The following ADAMTS18 variants were observed in gnomAD, a reference collection of about 807,000 sequenced individuals.
ADAMTS18 encodes the protein A disintegrin and metalloproteinase with thrombospondin motifs 18.
A neutral mutation model predicts 165.9 loss-of-function variants in ADAMTS18; 157 were observed. The ratio of observed to expected loss-of-function variants is 0.95; its 90% CI spans 0.83 to 1.08. The LOEUF is 1.08. Among genes scored for constraint, ADAMTS18 ranks in the 50% least tolerant of loss-of-function variants. The probability of loss-of-function intolerance (pLI) is 0.00; values close to 1 mark genes in which losing one functional copy is unlikely to be tolerated. For synonymous variants in ADAMTS18, 782 were observed against 578.2 expected, an observed-to-expected ratio of 1.35 and a Z score of -5.06; for missense variants, 2,040 against 1,534.0, an observed-to-expected ratio of 1.33 and a Z score of -5.51.
At chr16:77,318,442 C>T (rs926634814) in intron 16 of ADAMTS18, among the ~76,000 whole-genome samples, 2 of 152,202 alleles carry the variant, frequency 1.3e-5, no homozygotes, top group African/African-American at 4.8e-5. Context: ...TTACATGTAA[C>T]ACAGTCTGTT....
At chr16:77,374,232 A>G (rs1275013807) in intron 3 of ADAMTS18, among the ~76,000 whole-genome samples, 1 of 151,954 alleles carries the variant, frequency 6.6e-6, no homozygotes, top group East Asian at 1.9e-4. Context: ...AAAAAAAAAA[A>G]AAAATTGTTT....
intron 16 of ADAMTS18, among the ~76,000 whole-genome samples, chr16:77,317,330 C>T (rs1031179402): frequency 1.3e-5 from 2 of 152,224 alleles, no homozygotes; most frequent in African/African-American, 2.4e-5. Context: ...CAGAGGAACG[C>T]AGTGATTTCT....
chr16:77,406,053 C>T (rs1420916314), intron 3 of ADAMTS18, among the ~76,000 whole-genome samples: 1 of 152,126 alleles, frequency 6.6e-6, no homozygotes, highest in African/African-American at 2.4e-5. Flanking sequence ...GATACCCAAA[C>T]CTGACAAGGG....
chr16:77,283,921 C>T lies in ADAMTS18; in HGVS notation c.*35G>A. The T allele has an allele frequency of 6.5e-7, 1 of 1,528,972 alleles. No individual in the cohort carries two copies. 94.7% of individuals were successfully genotyped at this position (1,528,972 alleles called of 1,614,324 possible). A position where few individuals can be genotyped will look rare whatever the true frequency, so the allele number is the denominator to read the frequency against. Reference sequence around the variant, plus strand: ...GTCTCTCTAGAGGTTGAAAGGTAAGCCCCTGGCCCTAAGGTGCTGGGGAGG... The same window carrying T: ...GTCTCTCTAGAGGTTGAAAGGTAAGTCCCTGGCCCTAAGGTGCTGGGGAGG... On this transcript the variant is annotated 3_prime_UTR_variant, in exon 23 of 23. Coordinates refer to ENST00000282849, the MANE Select transcript of ADAMTS18 (RefSeq NM_199355.4).
rs199523966 is a variant in ADAMTS18, at chr16:77,434,463, C to G, written c.133G>C (p.Ala45Pro). The G allele has an allele frequency of 6.4e-7, 1 of 1,571,164 alleles. No individual in the cohort carries two copies. The highest frequency in any genetic ancestry group is 1.3e-5 in the African/African-American group (1 of 74,478). The change falls in exon 2 of 23, where the codon GCC becomes CCC. Residue 45 changes from alanine (A) to proline (P), a missense_variant. Transcript: ENST00000282849. ...CCGCTGCTGCTGTCACTGGCTAAGG[C>G]CGCGGCGACCGACGCACAGCAGAGG... ...CCLCCASVAA[A>P]LASDSSSGAS...
intron 8 of ADAMTS18, 78 bp from the exon 9 acceptor site, chr16:77,356,155 T>C: frequency 3.1e-6 from 5 of 1,589,060 alleles, no homozygotes; most frequent in East Asian, 2.2e-5. Context: ...AGAATAAAGA[T>C]GTATTGATCA....
At chr16:77,339,596 A>AT (rs200441370) in intron 11 of ADAMTS18, among the ~76,000 whole-genome samples, 1,310 of 120,750 alleles carry the variant, frequency 0.011, 32 homozygotes, top group African/African-American at 0.039. Flanking sequence ...TGCTTTTTCA[A>AT]TTAAAAAAAA....
intron 18 of ADAMTS18, among the ~76,000 whole-genome samples, chr16:77,296,582 C>T (rs1297327696): frequency 6.6e-6 from 1 of 152,124 alleles, no homozygotes; most frequent in African/African-American, 2.4e-5. Context: ...CCTGTAATGC[C>T]AGAACTTTGG....
chr16:77,411,833 C>T (rs1043826716), intron 3 of ADAMTS18, among the ~76,000 whole-genome samples: 10 of 151,466 alleles, frequency 6.6e-5, no homozygotes, highest in Non-Finnish European at 1.5e-4. Flanking sequence ...ATTATAGGTG[C>T]CCACCACCAA....
chr16:77,300,007 A>G (rs181353387), intron 17 of ADAMTS18: 32 of 365,774 alleles, frequency 8.7e-5, no homozygotes, highest in African/African-American at 6.3e-4. Context: ...TATATTTTAT[A>G]TGTTTTTCCC....
intron 16 of ADAMTS18, among the ~76,000 whole-genome samples, chr16:77,318,381 G>A (rs1038064347): frequency 6.6e-6 from 1 of 152,198 alleles, no homozygotes; most frequent in Admixed American, 6.5e-5. Flanking sequence ...TAAGATAATG[G>A]TGTGGCCAAG....
chr16:77,300,233 C>G (rs1178421167), intron 17 of ADAMTS18, 30 bp downstream of exon 17: 20 of 1,613,574 alleles, frequency 1.2e-5, no homozygotes, highest in Non-Finnish European at 1.6e-5. Flanking sequence ...GAGAGACAGA[C>G]TTTGGAGACA....
chr16:77,371,265 A>G (rs1437938661), intron 3 of ADAMTS18, among the ~76,000 whole-genome samples: 2 of 152,056 alleles, frequency 1.3e-5, no homozygotes, highest in Non-Finnish European at 2.9e-5. Flanking sequence ...GGAGAAAAAG[A>G]AAAAAGAAAA....
At chr16:77,306,739 T>C (rs7206250) in intron 16 of ADAMTS18, among the ~76,000 whole-genome samples, 43,675 of 152,072 alleles carry the variant, frequency 0.29, 6,819 homozygotes, top group East Asian at 0.62. Flanking sequence ...GGCAAAGCAT[T>C]GTACATGCAT....
intron 3 of ADAMTS18, among the ~76,000 whole-genome samples, chr16:77,371,833 C>A (rs560125506): frequency 2.5e-4 from 38 of 152,216 alleles, no homozygotes; most frequent in Middle Eastern, 6.8e-3. Context: ...ACTAAGGAGA[C>A]AACCCACAGA....
At position 77,282,207 on chromosome 16, in the gene ADAMTS18, T is replaced by C. The variant is rs2055158954; in HGVS notation, c.*1749A>G. The C allele has an allele frequency of 6.6e-6, 1 of 152,176 alleles. No homozygotes were observed. Among genetic ancestry groups the C allele is most frequent in the Non-Finnish European group, 1.5e-5 (1 of 68,032 alleles). The allele number at this position is 152,176 out of a possible 1,614,324, so 9.4% of individuals were successfully genotyped here. On this transcript the variant is annotated 3_prime_UTR_variant, in exon 23 of 23. Transcript: ENST00000282849. ...TTACACATATATTTTGACTTTTCTC[T>C]ATAATCCATGGTTTTATTCAACATT...
chr16:77,407,317 C>T (rs557067198), intron 3 of ADAMTS18, among the ~76,000 whole-genome samples: 1 of 152,030 alleles, frequency 6.6e-6, no homozygotes, highest in Non-Finnish European at 1.5e-5. Context: ...AACTACAAAA[C>T]ACCACTGAAA....
intron 12 of ADAMTS18, among the ~76,000 whole-genome samples, chr16:77,328,263 G>T (rs2056128853): frequency 6.6e-6 from 1 of 152,098 alleles, no homozygotes; most frequent in South Asian, 2.1e-4. Flanking sequence ...CAAAGATGTG[G>T]CTTCTTGTCA....
intron 10 of ADAMTS18, 143 bp from the exon 11 acceptor site, chr16:77,341,942 C>T (rs2144688540): frequency 1.5e-6 from 1 of 671,780 alleles, no homozygotes; most frequent in Non-Finnish European, 2.6e-6. Context: ...GTGAAGTTGG[C>T]AACACCAAAG....
Sources: gnomAD v4.1 joint callset for allele counts (sites outside exome capture counted in the v4.1 genomes callset) on GRCh38, gnomAD v4.1.1 for gene constraint, MANE v1.5 for transcripts, NCBI Gene and HGNC (gene_info 2026-07-23, HGNC 2026-07-21) for gene names.